The following DNAH17 variants were observed in gnomAD, a reference collection of about 807,000 sequenced individuals.
DNAH17 encodes axonemal beta dynein heavy chain 17.
A neutral mutation model predicts 485.6 loss-of-function variants in DNAH17; 376 were observed. The ratio of observed to expected loss-of-function variants is 0.77; its 90% CI spans 0.71 to 0.84. DNAH17 has a LOEUF of 0.84. Ranked by LOEUF, DNAH17 falls within the 40% of genes least tolerant of loss-of-function variation. The probability of loss-of-function intolerance (pLI) is 0.00; values close to 1 mark genes in which losing one functional copy is unlikely to be tolerated. For synonymous variants in DNAH17, 3,031 were observed against 2,405.9 expected, an observed-to-expected ratio of 1.26 and a Z score of -7.60; for missense variants, 6,370 against 5,839.3, an observed-to-expected ratio of 1.09 and a Z score of -2.96.
intron 75 of DNAH17, 65 bp downstream of exon 75, chr17:78,433,963 AG>A (rs2086776530): frequency 1.9e-4 from 243 of 1,253,762 alleles, no homozygotes; most frequent in Non-Finnish European, 2.4e-4. Context: ...GAGGGAGGGA[AG>A]GAGGGAGGGA....
chr17:78,497,856 C>T (rs1436974987), intron 37 of DNAH17, among the ~76,000 whole-genome samples: 1 of 152,308 alleles, frequency 6.6e-6, no homozygotes, highest in South Asian at 2.1e-4. Flanking sequence ...ATAAAGCAGG[C>T]TCTCAGCCGG....
intron 16 of DNAH17, among the ~76,000 whole-genome samples, chr17:78,546,355 A>AT (rs914259605): frequency 1.1e-4 from 17 of 152,256 alleles, no homozygotes; most frequent in African/African-American, 4.1e-4. Flanking sequence ...GAAGTAGCAT[A>AT]TAACTACATT....
chr17:78,570,060 C>A (rs551619122), intron 7 of DNAH17, among the ~76,000 whole-genome samples, 187 bp downstream of exon 7: 51 of 152,352 alleles, frequency 3.3e-4, no homozygotes, highest in African/African-American at 1.2e-3. Context: ...TCAGTACCCT[C>A]CCCTAGAAGA....
rs375664680 is a variant in DNAH17, at chr17:78,449,613, G to A, written c.11041-29C>T. ...GGGATCCGCCACCGAGAGCCATGGA[G>A]GCGTGCAGAGATGGAGCCCTTCACC... On this transcript the variant is annotated intron_variant, in intron 68 of 80. Transcript: ENST00000389840. 2.1e-5 allele frequency: 33 copies of A among 1,582,138 alleles called. No individual in the cohort carries two copies. In the African/African-American group the frequency reaches 4.0e-4, roughly 19 times the overall value.
intron 75 of DNAH17, 139 bp from the exon 76 acceptor site, chr17:78,429,439 G>A (rs1272960632): frequency 2.1e-6 from 2 of 951,802 alleles, no homozygotes; most frequent in East Asian, 2.7e-5. Flanking sequence ...TCAGCCTCCT[G>A]GCCATTTACC....
rs186848561 is a variant in DNAH17 at position 78,454,862 on chromosome 17, G to A, written c.10171-157C>T. On this transcript the variant is annotated intron_variant, in intron 63 of 80. Transcript: ENST00000389840. ...AGCCATTTCCATCACTCTGGACAGA[G>A]CAGCTTTGTAACTCGGCCAGAAACG... is the stretch of plus-strand genomic sequence containing the variant. 2.6e-5 allele frequency among the ~76,000 whole-genome samples: 4 copies of A among 152,234 alleles called. No individual in the cohort carries two copies. The East Asian group carries it at 7.7e-4, about 29-fold the overall frequency.
intron 25 of DNAH17, among the ~76,000 whole-genome samples, chr17:78,515,246 C>T (rs759441712): frequency 2.6e-5 from 4 of 152,216 alleles, no homozygotes; most frequent in Admixed American, 6.5e-5. Context: ...CGGTGGCCCA[C>T]GTCTATAACC....
At position 78,525,131 on chromosome 17, in the gene DNAH17, T is replaced by C. The variant is rs372730494; in HGVS notation, c.3742A>G (p.Ile1248Val). The C allele has an allele frequency of 4.3e-6, 7 of 1,613,538 alleles. No individual in the cohort carries two copies. In the African/African-American group the frequency reaches 5.3e-5, roughly 12 times the overall value. ...QQKSISAMEG[I>V]MEALSKSGGL... Reference sequence around the variant, plus strand: ...CCGGACTTGGACAGCGCCTCCATGATGCCTTCCATGGCGGAGATGCTCTTT... The same window carrying C: ...CCGGACTTGGACAGCGCCTCCATGACGCCTTCCATGGCGGAGATGCTCTTT... The change falls in exon 25 of 81, where the codon ATC (isoleucine) becomes GTC (valine). Residue 1248 changes from isoleucine (I) to valine (V), a missense_variant. Coordinates refer to ENST00000389840, the MANE Select transcript of DNAH17 (RefSeq NM_173628.4).
chr17:78,572,922 C>A (rs368965972), intron 2 of DNAH17, 28 bp from the exon 3 acceptor site: 2 of 1,597,364 alleles, frequency 1.3e-6, no homozygotes, highest in South Asian at 2.2e-5. Flanking sequence ...TGTGGTTCCG[C>A]CCCCTGTGCC....
chr17:78,477,177 A>C (rs2089069527), intron 51 of DNAH17, among the ~76,000 whole-genome samples: 2 of 152,184 alleles, frequency 1.3e-5, no homozygotes, highest in South Asian at 4.1e-4. Context: ...GGAATTTCCC[A>C]GGCACAGCGA....
rs530333919 is a variant in DNAH17, at chr17:78,534,293, G to A, written c.2860-1557C>T. 1.3e-4 allele frequency among the ~76,000 whole-genome samples: 20 copies of A among 152,340 alleles called. 1 individual carries two copies. Among genetic ancestry groups the A allele is most frequent in the African/African-American group, 4.3e-4 (18 of 41,572 alleles). On this transcript the variant is annotated intron_variant, in intron 19 of 80. Coordinates refer to ENST00000389840, the MANE Select transcript of DNAH17 (RefSeq NM_173628.4). ...GTGCATGGAGATCTTGTCTGTGCAG[G>A]GGACCTCGTTGGTAAGGGGTGGCAC...
rs191944846 is a variant in DNAH17 at position 78,440,358 on chromosome 17, G to A, written c.11677+693C>T. Among the ~76,000 whole-genome samples the A allele has an allele frequency of 9.0e-5, 13 of 144,078 alleles. No individual in the cohort carries two copies. In the Admixed American group the frequency reaches 9.5e-4, roughly 11 times the overall value. The allele number at this position is 144,078 out of a possible 152,430, so 94.5% of individuals were successfully genotyped here. On this transcript the variant is annotated intron_variant, in intron 72 of 80. Coordinates refer to ENST00000389840, the MANE Select transcript of DNAH17 (RefSeq NM_173628.4). ...TACAGCTTCAACCTTTTGGGCTCAA[G>A]TGATCCTCCCACCTCAGCCTCACAG...
chr17:78,507,992 G>A (rs868650253), intron 27 of DNAH17, among the ~76,000 whole-genome samples, 187 bp from the exon 28 acceptor site: 1 of 152,068 alleles, frequency 6.6e-6, no homozygotes, highest in Non-Finnish European at 1.5e-5. Flanking sequence ...GGATGCATGC[G>A]ATCTCTGTCC....
chr17:78,507,720 G>A lies in DNAH17; in HGVS notation c.4322C>T (p.Ser1441Phe), dbSNP rs1435138425. The stretch of plus-strand genomic sequence containing the variant: ...CAGCGTCTCCACCAGCACCTCGCTG[G>A]ACTTGAGCATCATGGTGCCTGTCCG... The part of the protein sequence containing the change: ...HPRTGTMMLK[S>F]SEVLVETLED... Residue 1441 changes from serine to phenylalanine, a missense_variant, in exon 28 of 81, where the codon TCC becomes TTC. Coordinates refer to ENST00000389840, the MANE Select transcript of DNAH17 (RefSeq NM_173628.4). 6.2e-7 allele frequency: 1 copy of A among 1,606,708 alleles called. No individual in the cohort carries two copies. The highest frequency in any genetic ancestry group is 1.7e-5 in the Admixed American group (1 of 59,768).
At chr17:78,457,657 C>CTTT (rs71160297) in intron 62 of DNAH17, among the ~76,000 whole-genome samples, 4 of 66,772 alleles carry the variant, frequency 6.0e-5, no homozygotes, top group Non-Finnish European at 8.6e-5. Context: ...CCGTGCCTGG[C>CTTT]TTTTTTTTTT....
chr17:78,426,622 G>A lies in DNAH17; in HGVS notation c.12772-22C>T, dbSNP rs577712604. 8 of 1,582,354 alleles carry A rather than the reference G, an allele frequency of 5.1e-6. No homozygotes were observed. In the African/African-American group the frequency reaches 5.4e-5, roughly 11 times the overall value. ...CTCCCTAGGAGACACACAGATGGGT[G>A]TGGGGAGCCCTGAGCTGGGGCCTGG... On this transcript the variant is annotated intron_variant, in intron 78 of 80. Coordinates refer to ENST00000389840, the MANE Select transcript of DNAH17 (RefSeq NM_173628.4).
At chr17:78,465,400 G>A (rs1412080178) in intron 56 of DNAH17, among the ~76,000 whole-genome samples, 1 of 146,916 alleles carries the variant, frequency 6.8e-6, no homozygotes, top group African/African-American at 2.5e-5. Flanking sequence ...CATCATCTGG[G>A]ATGTGAGGAG....
At chr17:78,493,716 G>A (rs1428485744) in intron 41 of DNAH17, among the ~76,000 whole-genome samples, 11 of 152,240 alleles carry the variant, frequency 7.2e-5, no homozygotes, top group Non-Finnish European at 1.6e-4. Flanking sequence ...GCCATGGCAG[G>A]TGACAGGAGG....
chr17:78,488,792 G>C (rs1206050207), intron 44 of DNAH17, among the ~76,000 whole-genome samples: 2 of 152,164 alleles, frequency 1.3e-5, no homozygotes, highest in Non-Finnish European at 2.9e-5. Flanking sequence ...AAGCAAATGG[G>C]AAATTTGGAC....
Sources: allele counts gnomAD v4.1 joint callset (sites outside exome capture counted in the v4.1 genomes callset), GRCh38; gene constraint gnomAD v4.1.1; transcripts MANE v1.5; gene names NCBI Gene and HGNC (gene_info 2026-07-23, HGNC 2026-07-21).